The following ANO1 variants were observed in gnomAD, a reference collection of about 807,000 sequenced individuals.
The protein encoded by ANO1 is anoctamin-1.
A neutral mutation model predicts 124.0 loss-of-function variants in ANO1; 59 were observed. That is an observed-to-expected ratio of 0.48 (90% CI 0.39 to 0.59). The LOEUF (loss-of-function observed/expected upper bound fraction) is 0.59, where lower values mean the gene tolerates loss of function less well. Among genes scored for constraint, ANO1 ranks in the 20% least tolerant of loss-of-function variants. The pLI, the probability that ANO1 is intolerant of heterozygous loss-of-function variation, is 0.00. For synonymous variants in ANO1, 529 were observed against 532.0 expected (o/e 0.99, Z 0.08); for missense variants, 1,059 against 1,328.0 (o/e 0.80, Z 3.15).
At chr11:70,069,257 C>T (rs1857808760) in intron 1 of ANO1, among the ~76,000 whole-genome samples, 1 of 152,182 alleles carries the variant, frequency 6.6e-6, no homozygotes, top group Non-Finnish European at 1.5e-5. Flanking sequence ...GTGTGTTCTG[C>T]AGAGAGATCC....
intron 23 of ANO1, among the ~76,000 whole-genome samples, chr11:70,181,733 C>G (rs953919262): frequency 6.6e-6 from 1 of 151,998 alleles, no homozygotes; most frequent in South Asian, 2.1e-4. Context: ...TCAAGACCAG[C>G]CTGGCCAACA....
the ANO1 span, among the ~76,000 whole-genome samples, chr11:69,966,779 G>T: frequency 1.3e-5 from 2 of 152,202 alleles, no homozygotes; most frequent in African/African-American, 4.8e-5. Flanking sequence ...GACCCAGAGA[G>T]CAGACTTCTA....
intron 1 of ANO1, among the ~76,000 whole-genome samples, chr11:70,037,487 G>A (rs1188053757): frequency 1.3e-5 from 2 of 151,932 alleles, no homozygotes; most frequent in Non-Finnish European, 2.9e-5. Context: ...ACCATCGCGG[G>A]GCAGAGGGAG....
In ANO1 at chr11:70,116,580, C is replaced by T. The variant is rs892104138; in HGVS notation, c.897+81C>T. On this transcript the variant is annotated intron_variant, in intron 8 of 25. Transcript: ENST00000355303. ...GGGCGGGGTGGGCCTGCAGCTGGAC[C>T]GAGGACTTACCGGCCTCCAGGGCCT... 58 of 1,439,734 alleles carry T rather than the reference C, an allele frequency of 4.0e-5. No individual in the cohort carries two copies. In the East Asian group the frequency reaches 9.9e-4, roughly 25 times the overall value. 89.2% of individuals were successfully genotyped at this position (1,439,734 alleles called of 1,614,324 possible).
At chr11:70,124,188 C>T (rs2046397756) in intron 8 of ANO1, among the ~76,000 whole-genome samples, 162 bp from the exon 9 acceptor site, 1 of 152,192 alleles carries the variant, frequency 6.6e-6, no homozygotes, top group Admixed American at 6.5e-5. Flanking sequence ...CCAGAAGCTT[C>T]TTTCCCATCC....
chr11:70,176,352 G>A (rs1173821731), intron 22 of ANO1, among the ~76,000 whole-genome samples: 2 of 151,982 alleles, frequency 1.3e-5, no homozygotes, highest in Non-Finnish European at 2.9e-5. Flanking sequence ...TCACCATGTT[G>A]GCCAGGCTGG....
intron 11 of ANO1, among the ~76,000 whole-genome samples, chr11:70,136,420 C>T (rs1003207708): frequency 6.6e-6 from 1 of 152,202 alleles, no homozygotes; most frequent in Non-Finnish European, 1.5e-5. Flanking sequence ...GAGTGAGTGT[C>T]GTGGGACCTG....
intron 1 of ANO1, among the ~76,000 whole-genome samples, chr11:69,986,346 C>T (rs1856040652): frequency 6.6e-6 from 1 of 151,946 alleles, no homozygotes; most frequent in Non-Finnish European, 1.5e-5. Context: ...CCGGTGAAGG[C>T]GAGAGGGGAG....
the ANO1 span, among the ~76,000 whole-genome samples, chr11:69,976,931 C>T: frequency 1.7e-4 from 26 of 152,188 alleles, no homozygotes; most frequent in African/African-American, 6.3e-4. Context: ...CATGTTCATC[C>T]CCCCGGGAGA....
Position 70,010,179 on chromosome 11 carries a change from G to GTATGTGTGTATATATATATATATATATA in ANO1, c.58+24016_58+24017insGTGTGTATATATATATATATATATATAT, listed in dbSNP as rs1188271051. 1.2e-3 allele frequency among the ~76,000 whole-genome samples: 100 copies of GTATGTGTGTATATATATATATATATATA among 83,772 alleles called. 4 individuals are homozygous for GTATGTGTGTATATATATATATATATATA. The highest frequency in any genetic ancestry group is 4.7e-3 in the African/African-American group (100 of 21,300). 55.0% of individuals were successfully genotyped at this position (83,772 alleles called of 152,430 possible). ...TGTGTGTGTGTGCGCGTGTGTGTGT[G>GTATGTGTGTATATATATATATATATATA]TATATATATATATATATATCACATT... On this transcript the variant is annotated intron_variant, in intron 1 of 27. Coordinates refer to the ANO1 transcript ENST00000531349.
At position 70,187,972 on chromosome 11, in the gene ANO1, C is replaced by T. The variant is rs2049202749; in HGVS notation, c.2929C>T (p.Pro977Ser). 1.3e-6 allele frequency: 2 copies of T among 1,571,354 alleles called. No homozygotes were observed. Among genetic ancestry groups the T allele is most frequent in the African/African-American group, 2.7e-5 (2 of 73,984 alleles). Residue 977 changes from proline to serine, a missense_variant, in exon 26 of 26, where the codon CCC becomes TCC. Pro to Ser is a moderately conservative substitution (Grantham distance 74). Coordinates refer to ENST00000355303, the MANE Select transcript of ANO1 (RefSeq NM_018043.7). Reference protein sequence around the residue: ...ACPDSLGSPAPSHAYHGGVL With the variant: ...ACPDSLGSPASSHAYHGGVL ...CCCAGACAGCCTCGGCAGCCCAGCC[C>T]CCAGCCATGCCTACCACGGGGGCGT...
In ANO1 at chr11:70,109,799, C is replaced by T. The variant is rs1590756271; in HGVS notation, c.799+1395C>T. Among the ~76,000 whole-genome samples the T allele has an allele frequency of 1.3e-5, 2 of 152,182 alleles. 1 individual carries two copies. Among genetic ancestry groups the T allele is most frequent in the South Asian group, 4.1e-4 (2 of 4,828 alleles). The stretch of plus-strand genomic sequence containing the variant: ...GCATGGCCCAGGCTGATTCTCTGCT[C>T]GGGTGGTCCCTGGGGACACAGGGTC... On this transcript the variant is annotated intron_variant, in intron 6 of 25. Coordinates refer to ENST00000355303, the MANE Select transcript of ANO1 (RefSeq NM_018043.7).
chr11:69,970,383 C>T, the ANO1 span, among the ~76,000 whole-genome samples: 3 of 152,344 alleles, frequency 2.0e-5, no homozygotes, highest in Admixed American at 1.3e-4. Context: ...GCTGAGCTGA[C>T]AGCACCGTGG....
intron 5 of ANO1, among the ~76,000 whole-genome samples, chr11:70,107,851 T>C (rs1055548002): frequency 6.6e-6 from 1 of 152,156 alleles, no homozygotes; most frequent in Non-Finnish European, 1.5e-5. Context: ...AGCCCGATGA[T>C]GGCCGCCTCC....
At chr11:70,104,175 C>T (rs773039612) in intron 4 of ANO1, 25 bp downstream of exon 4, 185 of 1,601,550 alleles carry the variant, frequency 1.2e-4, no homozygotes, top group Middle Eastern at 6.7e-4. Context: ...CCAGCCTGCT[C>T]CCCAAAGGGT....
chr11:69,978,753 C>T, the ANO1 span, among the ~76,000 whole-genome samples: 1 of 152,232 alleles, frequency 6.6e-6, no homozygotes, highest in Non-Finnish European at 1.5e-5. Context: ...AGCCTAATCT[C>T]TCTATTCAGG....
chr11:70,063,409 G>C (rs782168418), intron 1 of ANO1, among the ~76,000 whole-genome samples: 17 of 152,264 alleles, frequency 1.1e-4, no homozygotes, highest in Admixed American at 2.0e-4. Flanking sequence ...TTCGGCAAGA[G>C]CATTTTAGCT....
intron 1 of ANO1, chr11:70,085,312 C>T (rs2044328716): frequency 7.3e-7 from 1 of 1,370,728 alleles, no homozygotes; most frequent in Non-Finnish European, 9.6e-7. Flanking sequence ...AGCCCTCCCC[C>T]ACCCTTCCCC....
At chr11:70,089,069 G>A (rs577001190) in intron 2 of ANO1, among the ~76,000 whole-genome samples, 34 of 152,306 alleles carry the variant, frequency 2.2e-4, no homozygotes, top group African/African-American at 7.9e-4. Flanking sequence ...TCTGCTGGCT[G>A]CTGTGTGCTC....
Sources: allele counts gnomAD v4.1 joint callset (sites outside exome capture counted in the v4.1 genomes callset), GRCh38; gene constraint gnomAD v4.1.1; transcripts MANE v1.5; gene names NCBI Gene and HGNC (gene_info 2026-07-23, HGNC 2026-07-21).